MEIS1: variants seen among roughly 807,000 people sequenced by gnomAD.
The protein encoded by MEIS1 is Meis homeobox 1.
Under a neutral mutation model 50.8 loss-of-function variants are expected in MEIS1, and 5 were observed. That is an observed-to-expected ratio of 0.10 (90% CI 0.05 to 0.21). MEIS1 has a LOEUF of 0.21. MEIS1 is among the 10% of genes least tolerant of loss of function. The probability of loss-of-function intolerance (pLI) is 1.00; values close to 1 mark genes in which losing one functional copy is unlikely to be tolerated. For synonymous variants in MEIS1, 176 were observed against 179.3 expected (o/e 0.98, Z 0.15); for missense variants, 318 against 517.3 (o/e 0.61, Z 3.74).
At chr2:66,507,985 G>T (rs1426503874) in intron 7 of MEIS1, among the ~76,000 whole-genome samples, 1 of 152,214 alleles carries the variant, frequency 6.6e-6, no homozygotes, top group African/African-American at 2.4e-5. Context: ...TCCTTTCTTT[G>T]TTGGTTGGCC....
At chr2:66,523,824 A>G (rs1674185926) in intron 8 of MEIS1, among the ~76,000 whole-genome samples, 1 of 152,208 alleles carries the variant, frequency 6.6e-6, no homozygotes, top group African/African-American at 2.4e-5. Flanking sequence ...CTGATGTCCT[A>G]AGTGGTAGGT....
chr2:66,543,355 A>G (rs1674702364), intron 8 of MEIS1, among the ~76,000 whole-genome samples: 2 of 152,186 alleles, frequency 1.3e-5, no homozygotes, highest in South Asian at 4.1e-4. Flanking sequence ...CAAGTGGTTT[A>G]TATTTCAGCA....
At position 66,571,649 on chromosome 2, in the gene MEIS1, A is replaced by G. The variant is rs1675490114; in HGVS notation, c.*441A>G. ...GACCAAGGAGCATCCCTAATTCTTC[A>G]TAGGGACCTTTAAAAAGCAGGAAAT... On this transcript the variant is annotated 3_prime_UTR_variant, in exon 13 of 13. Transcript: ENST00000272369. 8.5e-7 allele frequency: 1 copy of G among 1,179,088 alleles called. No individual in the cohort carries two copies. The highest frequency in any genetic ancestry group is 2.6e-5 in the Admixed American group (1 of 37,814). 73.0% of individuals were successfully genotyped at this position (1,179,088 alleles called of 1,614,324 possible).
intron 9 of MEIS1, among the ~76,000 whole-genome samples, chr2:66,556,024 G>T (rs765304110): frequency 4.6e-5 from 7 of 151,842 alleles, no homozygotes; most frequent in Admixed American, 1.3e-4. Flanking sequence ...CTTCGTTTTT[G>T]ATTTTCAAGG....
At chr2:66,569,591 A>T (rs1025648857) in intron 12 of MEIS1, 3 of 152,884 alleles carry the variant, frequency 2.0e-5, no homozygotes, top group African/African-American at 7.2e-5. Flanking sequence ...CTTTTAGGTA[A>T]AATAAACACA....
In MEIS1 at chr2:66,532,571, T is replaced by C. The variant is rs181381089; in HGVS notation, c.889-15372T>C. Among the ~76,000 whole-genome samples, 42 of 152,282 alleles carry C rather than the reference T, an allele frequency of 2.8e-4. No individual in the cohort carries two copies. The East Asian group carries it at 5.8e-3, about 21-fold the overall frequency. On this transcript the variant is annotated intron_variant, in intron 8 of 12. Coordinates refer to ENST00000272369, the MANE Select transcript of MEIS1 (RefSeq NM_002398.3). The stretch of plus-strand genomic sequence containing the variant: ...CCCTGAGAGCATCCATTATCACATA[T>C]TGGTTAACATCACAGAGTTTTTAAA...
At chr2:66,558,313 GAAAAGA>G (rs997227147) in intron 9 of MEIS1, among the ~76,000 whole-genome samples, 7 of 122,490 alleles carry the variant, frequency 5.7e-5, no homozygotes, top group East Asian at 2.4e-4. Context: ...AAGAAAAAAA[GAAAAGA>G]AAAAGAAAAA....
In MEIS1 at chr2:66,509,549, A is replaced by G. The variant is rs568029928; in HGVS notation, c.743-2600A>G. Among the ~76,000 whole-genome samples the G allele has an allele frequency of 1.6e-4, 25 of 152,344 alleles. No individual in the cohort carries two copies. The South Asian group carries it at 5.2e-3, about 32-fold the overall frequency. On this transcript the variant is annotated intron_variant, in intron 7 of 12. Transcript: ENST00000272369. Reference sequence around the variant, plus strand: ...GTAATAGAAACCTTTTATTCAGGAGAGGTCACTGCCAGGGACTGAAGGGGG... The same window carrying G: ...GTAATAGAAACCTTTTATTCAGGAGGGGTCACTGCCAGGGACTGAAGGGGG...
chr2:66,546,964 AG>A (rs1674807401), intron 8 of MEIS1, among the ~76,000 whole-genome samples: 1 of 152,142 alleles, frequency 6.6e-6, no homozygotes, highest in Non-Finnish European at 1.5e-5. Context: ...AGTTAAATTA[AG>A]GGTTGGGGGT....
At position 66,481,289 on chromosome 2, in the gene MEIS1, T is replaced by G. The variant is rs114710133; in HGVS notation, c.742+17069T>G. 3.9e-3 allele frequency among the ~76,000 whole-genome samples: 587 copies of G among 152,330 alleles called. 6 individuals carry two copies. Among genetic ancestry groups the G allele is most frequent in the African/African-American group, 0.013 (544 of 41,564 alleles). ...TCTGGTGCTAGGAAAGACTTCTGTGTTTATCTGCATCTTTCTAAGCCCCCA... is the reference window on the plus strand; with the variant it reads ...TCTGGTGCTAGGAAAGACTTCTGTGGTTATCTGCATCTTTCTAAGCCCCCA... On this transcript the variant is annotated intron_variant, in intron 7 of 12. Transcript: ENST00000272369.
chr2:66,514,265 A>G (rs1460775898), intron 8 of MEIS1, among the ~76,000 whole-genome samples: 1 of 152,194 alleles, frequency 6.6e-6, no homozygotes, highest in Non-Finnish European at 1.5e-5. Flanking sequence ...TTATGCAGCC[A>G]CTAGTTTTCC....
At chr2:66,522,345 G>C (rs1307294307) in intron 8 of MEIS1, among the ~76,000 whole-genome samples, 1 of 152,186 alleles carries the variant, frequency 6.6e-6, no homozygotes, top group African/African-American at 2.4e-5. Flanking sequence ...TGATAGATGA[G>C]GAAGTTTACT....
intron 7 of MEIS1, among the ~76,000 whole-genome samples, chr2:66,484,500 C>G (rs1445455040): frequency 1.3e-5 from 2 of 152,156 alleles, no homozygotes; most frequent in African/African-American, 4.8e-5. Flanking sequence ...TTCTAACAAT[C>G]AAACATGATC....
intron 6 of MEIS1, among the ~76,000 whole-genome samples, chr2:66,448,965 TATG>T (rs145622532): frequency 0.011 from 1,617 of 152,278 alleles, 26 homozygotes; most frequent in African/African-American, 0.037. Context: ...TTTTGTGGAT[TATG>T]ATATCTGTCA....
At position 66,532,150 on chromosome 2, in the gene MEIS1, C is replaced by CA. The variant is rs1385793057; in HGVS notation, c.889-15792dup. Among the ~76,000 whole-genome samples, 3 of 152,110 alleles carry CA rather than the reference C, an allele frequency of 2.0e-5. No individual in the cohort carries two copies. In the East Asian group the frequency reaches 5.8e-4, roughly 29 times the overall value. ...GGTTTCCTGATTCACCATAGATAGT[C>CA]AGTATAATGAAGAAATCCAACAAGA... is the stretch of plus-strand genomic sequence containing the variant. On this transcript the variant is annotated intron_variant, in intron 8 of 12. Transcript: ENST00000272369.
intron 8 of MEIS1, among the ~76,000 whole-genome samples, chr2:66,528,978 C>T (rs1256772352): frequency 1.3e-5 from 2 of 152,180 alleles, no homozygotes; most frequent in Non-Finnish European, 2.9e-5. Context: ...GCTGCACAGT[C>T]TTGTCCTCTG....
rs1277578607 is a variant in MEIS1, at chr2:66,568,458, TC to T, written c.1025-206del. ...CAGAAAGTTTCCACACCTTAACTGTTCCCTCTTTGAGCTAGATGTTTTAAAA... is the reference window on the plus strand; with the variant it reads ...CAGAAAGTTTCCACACCTTAACTGTTCCTCTTTGAGCTAGATGTTTTAAAA... On this transcript the variant is annotated intron_variant, in intron 10 of 12. Coordinates refer to ENST00000272369, the MANE Select transcript of MEIS1 (RefSeq NM_002398.3). The T allele has an allele frequency of 4.3e-5, 20 of 466,988 alleles. No homozygotes were observed. The East Asian group carries it at 8.0e-4, about 19-fold the overall frequency. The allele number at this position is 466,988 out of a possible 1,614,324, so 28.9% of individuals were successfully genotyped here. A position where few individuals can be genotyped will look rare whatever the true frequency, so the allele number is the denominator to read the frequency against.
chr2:66,540,758 T>C (rs975612869), intron 8 of MEIS1, among the ~76,000 whole-genome samples: 1 of 152,186 alleles, frequency 6.6e-6, no homozygotes, highest in Admixed American at 6.5e-5. Flanking sequence ...AATCACTAAT[T>C]TGGAATCTAA....
chr2:66,534,614 T>A (rs1446178715), intron 8 of MEIS1, among the ~76,000 whole-genome samples: 2 of 152,140 alleles, frequency 1.3e-5, no homozygotes, highest in African/African-American at 4.8e-5. Context: ...GAAGCATGAA[T>A]GGACTTCATG....
Sources: allele counts gnomAD v4.1 joint callset (sites outside exome capture counted in the v4.1 genomes callset), GRCh38; gene constraint gnomAD v4.1.1; transcripts MANE v1.5; gene names NCBI Gene and HGNC (gene_info 2026-07-23, HGNC 2026-07-21).